TRPM6: variants seen among roughly 807,000 people sequenced by gnomAD.
TRPM6 encodes channel kinase 2.
TRPM6 carries 111 observed loss-of-function variants against 247.6 expected under a neutral mutation model. That is an observed-to-expected ratio of 0.45 (90% confidence interval 0.38 to 0.52). The LOEUF (loss-of-function observed/expected upper bound fraction) is 0.52, where lower values mean the gene tolerates loss of function less well. TRPM6 is among the 20% of genes least tolerant of loss of function. The pLI, the probability that TRPM6 is intolerant of heterozygous loss-of-function variation, is 0.00. For missense variants in TRPM6, 2,126 were observed against 2,421.5 expected, an observed-to-expected ratio of 0.88 and a Z score of 2.56; for synonymous variants, 892 against 853.8, an observed-to-expected ratio of 1.04 and a Z score of -0.78.
chr9:74,745,464 T>C (rs1012752375), intron 31 of TRPM6, among the ~76,000 whole-genome samples: 19 of 137,370 alleles, frequency 1.4e-4, no homozygotes, highest in Non-Finnish European at 1.9e-4. Flanking sequence ...TGTGTGTGCG[T>C]GTGTGTGTGT....
In TRPM6 at chr9:74,855,517, TA is replaced by T; in HGVS notation, c.152+9del. ...AAAGCTAAAAGGAATCTTGCTTATCTAAGTCTTACCTGATTAAATTCTGGCA... is the reference window on the plus strand; with the variant it reads ...AAAGCTAAAAGGAATCTTGCTTATCTAGTCTTACCTGATTAAATTCTGGCA... On this transcript the variant is annotated intron_variant, in intron 3 of 38. Transcript: ENST00000360774. The T allele has an allele frequency of 6.3e-7, 1 of 1,598,396 alleles. No homozygotes were observed. Among genetic ancestry groups the T allele is most frequent in the Non-Finnish European group, 8.6e-7 (1 of 1,165,856 alleles).
intron 13 of TRPM6, among the ~76,000 whole-genome samples, chr9:74,808,584 G>A (rs1001314938): frequency 1.3e-5 from 2 of 152,140 alleles, no homozygotes; most frequent in Non-Finnish European, 2.9e-5. Context: ...TGTATATAGA[G>A]AGTTTTTTAA....
chr9:74,796,022 C>T (rs900977639), intron 18 of TRPM6, among the ~76,000 whole-genome samples: 1 of 152,128 alleles, frequency 6.6e-6, no homozygotes, highest in Non-Finnish European at 1.5e-5. Context: ...TGCCACAATA[C>T]GTAATGCAAA....
chr9:74,737,455 G>T, intron 36 of TRPM6: 1 of 1,289,674 alleles, frequency 7.8e-7, no homozygotes, highest in South Asian at 1.2e-5. Flanking sequence ...AGAGAGCTGG[G>T]AAAGTCAGAC....
intron 3 of TRPM6, among the ~76,000 whole-genome samples, chr9:74,844,588 T>A (rs1474844949): frequency 6.6e-6 from 1 of 152,246 alleles, no homozygotes; most frequent in African/African-American, 2.4e-5. Context: ...AGTTAGGACC[T>A]TATTCTGGAT....
chr9:74,769,680 C>T (rs1826956728), intron 25 of TRPM6, among the ~76,000 whole-genome samples: 1 of 151,660 alleles, frequency 6.6e-6, no homozygotes, highest in Non-Finnish European at 1.5e-5. Flanking sequence ...ATTGCTTGAA[C>T]CCGGGAGGCA....
chr9:74,837,740 C>T (rs1290985270), intron 5 of TRPM6, among the ~76,000 whole-genome samples: 1 of 130,932 alleles, frequency 7.6e-6, no homozygotes, highest in Non-Finnish European at 1.6e-5. Flanking sequence ...GCCACCACGC[C>T]CGGCCCCCTT....
At chr9:74,817,017 G>T (rs1564028306) in intron 9 of TRPM6, 53 bp from the exon 10 acceptor site, 1 of 1,452,236 alleles carries the variant, frequency 6.9e-7, no homozygotes, top group Non-Finnish European at 9.7e-7. Flanking sequence ...CCAAATAAAT[G>T]CTTTCAAAGA....
At chr9:74,858,257 G>A (rs78564855) in intron 2 of TRPM6, among the ~76,000 whole-genome samples, 8,152 of 152,238 alleles carry the variant, frequency 0.054, 317 homozygotes, top group African/African-American at 0.11. Context: ...CGTGGTGGCA[G>A]GTGCCTGTAA....
At chr9:74,728,416 T>A in intron 37 of TRPM6, 71 bp from the exon 38 acceptor site, 4 of 1,072,388 alleles carry the variant, frequency 3.7e-6, no homozygotes, top group Non-Finnish European at 5.8e-6. Context: ...TTCTCCGAGA[T>A]ACCGAACAGT....
intron 23 of TRPM6, among the ~76,000 whole-genome samples, chr9:74,780,391 T>C (rs1188251684): frequency 6.6e-6 from 1 of 151,640 alleles, no homozygotes; most frequent in Admixed American, 6.6e-5. Context: ...GAGGCAGAGG[T>C]TGCAGTGAGC....
chr9:74,732,118 T>C (rs1222417162), intron 37 of TRPM6, among the ~76,000 whole-genome samples: 2 of 152,176 alleles, frequency 1.3e-5, no homozygotes, highest in African/African-American at 4.8e-5. Flanking sequence ...CCATGGGAAT[T>C]CAAGGGGCAG....
chr9:74,796,735 A>G lies in TRPM6; in HGVS notation c.2391+6T>C. ...AAAATTCAGTTCATTATGATTTTGC[A>G]CTAACCACAGAAGCACTTTCTTTGG... On this transcript the variant is annotated splice_donor_region_variant and intron_variant, in intron 18 of 38. Transcript: ENST00000360774. 1.9e-6 allele frequency: 3 copies of G among 1,613,960 alleles called. No individual in the cohort carries two copies. The highest frequency in any genetic ancestry group is 2.2e-5 in the East Asian group (1 of 44,868).
intron 9 of TRPM6, 26 bp downstream of exon 9, chr9:74,820,278 T>C (rs753497130): frequency 6.2e-7 from 1 of 1,612,612 alleles, no homozygotes; most frequent in Non-Finnish European, 8.5e-7. Flanking sequence ...CTTAAGTCAG[T>C]TGAATCATCA....
chr9:74,727,621 A>T (rs975620198), intron 38 of TRPM6, among the ~76,000 whole-genome samples: 1 of 152,274 alleles, frequency 6.6e-6, no homozygotes, highest in East Asian at 1.9e-4. Flanking sequence ...CCCTTCTGGG[A>T]CAAAAGAAAG....
chr9:74,850,985 C>T (rs1053997132), intron 3 of TRPM6, among the ~76,000 whole-genome samples: 1 of 152,148 alleles, frequency 6.6e-6, no homozygotes, highest in Non-Finnish European at 1.5e-5. Flanking sequence ...ATTGAGGTAA[C>T]CTCATCTGGA....
At chr9:74,844,979 C>T (rs1325804491) in intron 3 of TRPM6, among the ~76,000 whole-genome samples, 1 of 152,112 alleles carries the variant, frequency 6.6e-6, no homozygotes, top group Non-Finnish European at 1.5e-5. Flanking sequence ...GAGACAGGAT[C>T]GGTCAGTGGA....
chr9:74,884,692 T>A (rs1272405997), intron 1 of TRPM6, among the ~76,000 whole-genome samples: 1 of 152,184 alleles, frequency 6.6e-6, no homozygotes, highest in African/African-American at 2.4e-5. Flanking sequence ...AAGAAATTAT[T>A]TTTATATTGT....
At chr9:74,743,046 G>C (rs1825912852) in intron 32 of TRPM6, among the ~76,000 whole-genome samples, 1 of 152,184 alleles carries the variant, frequency 6.6e-6, no homozygotes, top group African/African-American at 2.4e-5. Flanking sequence ...TTTTTCCAGA[G>C]AGAGCCGAAG....
Sources: allele counts gnomAD v4.1 joint callset (sites outside exome capture counted in the v4.1 genomes callset), GRCh38; gene constraint gnomAD v4.1.1; transcripts MANE v1.5; gene names NCBI Gene and HGNC (gene_info 2026-07-23, HGNC 2026-07-21).